MXD1: variants seen among roughly 807,000 people sequenced by gnomAD.
The protein encoded by MXD1 is MAX-binding protein.
Under a neutral mutation model 25.7 loss-of-function variants are expected in MXD1, and 9 were observed. The observed-to-expected ratio is 0.35, with a 90% CI of 0.21 to 0.61. The LOEUF (loss-of-function observed/expected upper bound fraction) is 0.61, where lower values mean the gene tolerates loss of function less well. Ranked by LOEUF, MXD1 falls within the 20% of genes least tolerant of loss-of-function variation. MXD1 has a pLI of 0.75. For synonymous variants in MXD1, 99 were observed against 113.9 expected (o/e 0.87, Z 0.83); for missense variants, 227 against 292.4 (o/e 0.78, Z 1.63).
rs943908557 is a variant in MXD1 at position 69,940,152 on chromosome 2, T to C, written c.*1868T>C. 1.1e-4 allele frequency: 16 copies of C among 151,938 alleles called. No individual in the cohort carries two copies. Among genetic ancestry groups the C allele is most frequent in the Non-Finnish European group, 2.1e-4 (14 of 67,986 alleles). 9.4% of individuals were successfully genotyped at this position (151,938 alleles called of 1,614,324 possible). ...AGGGGCAGGTGACACAAAGGATTTT[T>C]TTTTTTTTTTTTTAATTTTTGGAAT... On this transcript the variant is annotated 3_prime_UTR_variant, in exon 6 of 6. Transcript: ENST00000264444.
chr2:69,915,242 C>G lies in MXD1; in HGVS notation c.-89C>G, dbSNP rs867435432. The G allele has an allele frequency of 8.5e-7, 1 of 1,175,826 alleles. No homozygotes were observed. Among genetic ancestry groups the G allele is most frequent in the Non-Finnish European group, 1.1e-6 (1 of 912,706 alleles). 72.8% of individuals were successfully genotyped at this position (1,175,826 alleles called of 1,614,324 possible). A position where few individuals can be genotyped will look rare whatever the true frequency, so the allele number is the denominator to read the frequency against. On this transcript the variant is annotated 5_prime_UTR_variant, in exon 1 of 6. Coordinates refer to ENST00000264444, the MANE Select transcript of MXD1 (RefSeq NM_002357.4). This position sits in a 1 kb window ranked among gnomAD's most constrained non-coding sequence, Gnocchi z 5.8. ...GGTCCACAGCGGGCTCCACAGCGGG[C>G]TCCATAGCGGGCTCCACAGCGGTCC...
At chr2:69,933,200 CAAAAAAA>C (rs59201689) in intron 3 of MXD1, among the ~76,000 whole-genome samples, 16 of 80,142 alleles carry the variant, frequency 2.0e-4, no homozygotes, top group Non-Finnish European at 3.7e-4. Context: ...AACTCTGTCT[CAAAAAAA>C]AAAAAAAAAA....
At chr2:69,924,414 G>A (rs1372675161) in intron 3 of MXD1, among the ~76,000 whole-genome samples, 1 of 152,168 alleles carries the variant, frequency 6.6e-6, no homozygotes, top group Non-Finnish European at 1.5e-5. Context: ...CTAGTCTAGA[G>A]CATGTGAACA....
chr2:69,929,023 A>C (rs1217899913), intron 3 of MXD1, among the ~76,000 whole-genome samples: 1 of 152,134 alleles, frequency 6.6e-6, no homozygotes, highest in Non-Finnish European at 1.5e-5. Context: ...CCTCCTGAGT[A>C]GCTGGGATTA....
intron 3 of MXD1, 114 bp from the exon 4 acceptor site, chr2:69,935,237 C>T (rs1365189384): frequency 2.8e-6 from 2 of 706,318 alleles, no homozygotes; most frequent in African/African-American, 3.6e-5. Context: ...TCATTGGTAG[C>T]ATTTGCCATC....
At position 69,915,715 on chromosome 2, in the gene MXD1, G is replaced by A. The variant is rs1230493012; in HGVS notation, c.73+312G>A. 6.6e-6 allele frequency among the ~76,000 whole-genome samples: 1 copy of A among 151,996 alleles called. No homozygotes were observed. The highest frequency in any genetic ancestry group is 1.5e-5 in the Non-Finnish European group (1 of 68,016). On this transcript the variant is annotated intron_variant, in intron 1 of 5. Coordinates refer to ENST00000264444, the MANE Select transcript of MXD1 (RefSeq NM_002357.4). The surrounding 1 kb of genome is among the most constrained non-coding windows in gnomAD (Gnocchi z 5.8). ...GTTTACCTCACCCGGGCTGGTCCCG[G>A]CCGGCCCCCAGGTGGGCCCGGCGCC...
chr2:69,935,638 C>A (rs150071887), intron 4 of MXD1, among the ~76,000 whole-genome samples, 173 bp downstream of exon 4: 2 of 152,284 alleles, frequency 1.3e-5, no homozygotes, highest in Non-Finnish European at 2.9e-5. Flanking sequence ...TTCTCACTCC[C>A]ATGCACCAGA....
intron 4 of MXD1, among the ~76,000 whole-genome samples, chr2:69,936,254 C>T (rs1396193491): frequency 6.6e-6 from 1 of 152,136 alleles, no homozygotes; most frequent in Admixed American, 6.5e-5. Context: ...CTGGGTATCT[C>T]TTAGCCCTGT....
At position 69,938,394 on chromosome 2, in the gene MXD1, C is replaced by T; in HGVS notation, c.*110C>T. 1 of 1,161,914 alleles carries T rather than the reference C, an allele frequency of 8.6e-7. No homozygotes were observed. Among genetic ancestry groups the T allele is most frequent in the Non-Finnish European group, 1.2e-6 (1 of 814,402 alleles). The allele number at this position is 1,161,914 out of a possible 1,614,324, so 72.0% of individuals were successfully genotyped here. On this transcript the variant is annotated 3_prime_UTR_variant, in exon 6 of 6. Transcript: ENST00000264444. ...TTGCACGTAAACTTCAGTGTCCCAC[C>T]TTGACCAAAATCAGCTTTGTAACTG...
At chr2:69,937,765 C>A (rs1167167259) in intron 5 of MXD1, among the ~76,000 whole-genome samples, 1 of 152,326 alleles carries the variant, frequency 6.6e-6, no homozygotes, top group South Asian at 2.1e-4. Flanking sequence ...CAGGCACACA[C>A]CACAATGCCT....
rs1251902216 is a variant in MXD1, at chr2:69,938,297, T to C, written c.*13T>C. The C allele has an allele frequency of 1.2e-6, 2 of 1,612,674 alleles. No homozygotes were observed. Among genetic ancestry groups the C allele is most frequent in the South Asian group, 2.2e-5 (2 of 90,984 alleles). Reference sequence around the variant, plus strand: ...TCTTGGTCTCTAAGAGAGTGGGCACTGCGGCTGTCTCCTTGAAGGTTCTCC... The same window carrying C: ...TCTTGGTCTCTAAGAGAGTGGGCACCGCGGCTGTCTCCTTGAAGGTTCTCC... On this transcript the variant is annotated 3_prime_UTR_variant, in exon 6 of 6. Coordinates refer to ENST00000264444, the MANE Select transcript of MXD1 (RefSeq NM_002357.4).
At chr2:69,924,750 C>CA (rs767872257) in intron 3 of MXD1, among the ~76,000 whole-genome samples, 64 of 129,276 alleles carry the variant, frequency 5.0e-4, no homozygotes, top group Admixed American at 1.3e-3. Flanking sequence ...CCATGGCTCT[C>CA]AAAAAAAAAA....
At chr2:69,935,291 C>A in intron 3 of MXD1, 60 bp from the exon 4 acceptor site, 1 of 1,213,554 alleles carries the variant, frequency 8.2e-7, no homozygotes, top group Non-Finnish European at 1.2e-6. Context: ...CTCATTCTGC[C>A]TGGGGTGCTT....
chr2:69,920,441 A>G (rs1677043889), intron 2 of MXD1, among the ~76,000 whole-genome samples: 1 of 152,150 alleles, frequency 6.6e-6, no homozygotes. Flanking sequence ...TCCCTGTGAA[A>G]GAGAAGTTTA....
In MXD1 at chr2:69,915,829, C is replaced by G. The variant is rs1458905530; in HGVS notation, c.74-292C>G. The stretch of plus-strand genomic sequence containing the variant: ...TTCGCCTGAGCTGGTTCCACTTAAC[C>G]CGCACCAACCTGCTGGATGTAGCCA... On this transcript the variant is annotated intron_variant, in intron 1 of 5. Transcript: ENST00000264444. This position sits in a 1 kb window ranked among gnomAD's most constrained non-coding sequence, Gnocchi z 5.8. Among the ~76,000 whole-genome samples the G allele has an allele frequency of 1.3e-5, 2 of 152,264 alleles. No homozygotes were observed. The highest frequency in any genetic ancestry group is 4.8e-5 in the African/African-American group (2 of 41,476).
chr2:69,934,270 G>A (rs1458262707), intron 3 of MXD1, among the ~76,000 whole-genome samples: 1 of 152,148 alleles, frequency 6.6e-6, no homozygotes, highest in South Asian at 2.1e-4. Context: ...GGATGGCTTG[G>A]GAAGGCTTTA....
In MXD1 at chr2:69,916,239, C is replaced by A. The variant is rs1676961039; in HGVS notation, c.173+19C>A. 1 of 1,430,140 alleles carries A rather than the reference C, an allele frequency of 7.0e-7. No individual in the cohort carries two copies. The highest frequency in any genetic ancestry group is 1.7e-5 in the Admixed American group (1 of 58,422). 88.6% of individuals were successfully genotyped at this position (1,430,140 alleles called of 1,614,324 possible). On this transcript the variant is annotated intron_variant, in intron 2 of 5. Coordinates refer to ENST00000264444, the MANE Select transcript of MXD1 (RefSeq NM_002357.4). ...GTAGCAGGTAATTTGGTAAATACTTCTTTCTGTCTTTTAGATTATATTGTA... is the reference window on the plus strand; with the variant it reads ...GTAGCAGGTAATTTGGTAAATACTTATTTCTGTCTTTTAGATTATATTGTA...
At chr2:69,926,779 A>G (rs1677179674) in intron 3 of MXD1, among the ~76,000 whole-genome samples, 1 of 152,194 alleles carries the variant, frequency 6.6e-6, no homozygotes, top group African/African-American at 2.4e-5. Flanking sequence ...AATTCCTCCA[A>G]TTTAAAACAA....
At chr2:69,927,925 C>A (rs944331822) in intron 3 of MXD1, among the ~76,000 whole-genome samples, 7 of 151,640 alleles carry the variant, frequency 4.6e-5, no homozygotes, top group Non-Finnish European at 8.8e-5. Flanking sequence ...ATAAAGGGAT[C>A]ATTTTAGAAA....
Sources: gnomAD v4.1 joint callset for allele counts (sites outside exome capture counted in the v4.1 genomes callset) on GRCh38, gnomAD v4.1.1 for gene constraint, Gnocchi (gnomAD v3.1) non-coding constraint, MANE v1.5 for transcripts, NCBI Gene and HGNC (gene_info 2026-07-23, HGNC 2026-07-21) for gene names.